CNTNAP2: variants seen among roughly 807,000 people sequenced by gnomAD.
CNTNAP2 encodes the protein contactin-associated protein-like 2.
A neutral mutation model predicts 155.2 loss-of-function variants in CNTNAP2; 98 were observed. The ratio of observed to expected loss-of-function variants is 0.63; its 90% CI spans 0.54 to 0.75. CNTNAP2 has a LOEUF of 0.75. Ranked by LOEUF, CNTNAP2 falls within the 30% of genes least tolerant of loss-of-function variation. The pLI, the probability that CNTNAP2 is intolerant of heterozygous loss-of-function variation, is 0.00. For synonymous variants in CNTNAP2, 651 were observed against 631.2 expected (o/e 1.03, Z -0.47); for missense variants, 1,727 against 1,688.1 (o/e 1.02, Z -0.40).
At chr7:147,752,309 A>G (rs1200600048) in intron 13 of CNTNAP2, among the ~76,000 whole-genome samples, 1 of 98,308 alleles carries the variant, frequency 1.0e-5, no homozygotes, top group Non-Finnish European at 2.0e-5. Flanking sequence ...GGTAACCTTC[A>G]AGGTATTTTC....
At chr7:147,794,846 CT>C (rs1797869395) in intron 13 of CNTNAP2, among the ~76,000 whole-genome samples, 1 of 151,258 alleles carries the variant, frequency 6.6e-6, no homozygotes, top group Admixed American at 6.6e-5. Context: ...GGAATTTGTC[CT>C]TTGCATCTTG....
intron 13 of CNTNAP2, among the ~76,000 whole-genome samples, chr7:147,760,862 C>T (rs1797287577): frequency 6.6e-6 from 1 of 152,014 alleles, no homozygotes. Context: ...TTTATAAAGA[C>T]CTATAGAAGA....
intron 15 of CNTNAP2, among the ~76,000 whole-genome samples, chr7:147,995,399 C>G (rs1014411737): frequency 4.6e-5 from 7 of 152,186 alleles, no homozygotes; most frequent in Non-Finnish European, 1.0e-4. Context: ...TTTTCCCTCT[C>G]CCTTCCATAG....
At chr7:146,119,029 G>A (rs1797525823) in intron 1 of CNTNAP2, among the ~76,000 whole-genome samples, 1 of 151,968 alleles carries the variant, frequency 6.6e-6, no homozygotes, top group Admixed American at 6.6e-5. Flanking sequence ...AATATCAACT[G>A]TACTTTACAT....
chr7:148,359,712 T>G (rs558805486), intron 21 of CNTNAP2, among the ~76,000 whole-genome samples: 70 of 152,354 alleles, frequency 4.6e-4, no homozygotes, highest in African/African-American at 1.6e-3. Flanking sequence ...TCACACTGTC[T>G]CTTTTGCTGT....
chr7:146,963,217 G>A (rs1175207027), intron 3 of CNTNAP2: 1 of 152,148 alleles, frequency 6.6e-6, no homozygotes, highest in Non-Finnish European at 1.5e-5. Flanking sequence ...AAGTTGACTA[G>A]AAGTTCTCTA....
chr7:147,996,179 T>C (rs997109428), intron 15 of CNTNAP2, among the ~76,000 whole-genome samples: 14 of 152,180 alleles, frequency 9.2e-5, no homozygotes, highest in African/African-American at 3.4e-4. Flanking sequence ...ACAAGAAACA[T>C]TTATGTGATG....
intron 12 of CNTNAP2, among the ~76,000 whole-genome samples, chr7:147,607,442 G>A (rs1015114079): frequency 1.3e-5 from 2 of 151,444 alleles, no homozygotes; most frequent in Non-Finnish European, 2.9e-5. Context: ...TCTTTCTAAT[G>A]TAAATAATAT....
chr7:147,573,367 T>G (rs1563003542), intron 12 of CNTNAP2, among the ~76,000 whole-genome samples: 1 of 152,206 alleles, frequency 6.6e-6, no homozygotes, highest in African/African-American at 2.4e-5. Flanking sequence ...AAAGTGAGAT[T>G]AGGCAAAAAC....
At chr7:148,005,884 G>GT (rs976025649) in intron 15 of CNTNAP2, among the ~76,000 whole-genome samples, 1 of 152,104 alleles carries the variant, frequency 6.6e-6, no homozygotes, top group African/African-American at 2.4e-5. Flanking sequence ...CTCTAAGATG[G>GT]TTTAATGTGA....
In CNTNAP2 at chr7:148,217,108, C is replaced by CT. The variant is rs11384134; in HGVS notation, c.3011-167dup. Among the ~76,000 whole-genome samples, 30,770 of 144,076 alleles carry CT rather than the reference C, an allele frequency of 0.21. 3,529 individuals are homozygous for CT. The highest frequency in any genetic ancestry group is 0.36 in the East Asian group (1,805 of 4,978). The allele number at this position is 144,076 out of a possible 152,430, so 94.5% of individuals were successfully genotyped here. Reference sequence around the variant, plus strand: ...CTAATACATCATACCCTGTTACATGCTTTTTTTTTTTTTGATAAGAGTATT... The same window carrying CT: ...CTAATACATCATACCCTGTTACATGCTTTTTTTTTTTTTTGATAAGAGTATT... On this transcript the variant is annotated intron_variant, in intron 18 of 23. Transcript: ENST00000361727.
chr7:148,054,733 GACACATTACAA>G (rs1802976333), intron 15 of CNTNAP2, among the ~76,000 whole-genome samples: 1 of 151,940 alleles, frequency 6.6e-6, no homozygotes, highest in African/African-American at 2.4e-5. Flanking sequence ...AATGAAGTCT[GACACATTACAA>G]ACCATGCACA....
At chr7:147,417,764 A>C (rs932669816) in intron 10 of CNTNAP2, among the ~76,000 whole-genome samples, 1 of 152,230 alleles carries the variant, frequency 6.6e-6, no homozygotes, top group Non-Finnish European at 1.5e-5. Flanking sequence ...GATATGCTGC[A>C]TACTAATTAA....
At chr7:147,217,405 A>G (rs929406344) in intron 8 of CNTNAP2, among the ~76,000 whole-genome samples, 1 of 151,952 alleles carries the variant, frequency 6.6e-6, no homozygotes, top group Non-Finnish European at 1.5e-5. Context: ...ATTTATTAAT[A>G]TACTTATGTG....
chr7:147,443,050 C>T (rs1797670690), intron 10 of CNTNAP2, among the ~76,000 whole-genome samples: 1 of 152,270 alleles, frequency 6.6e-6, no homozygotes, highest in East Asian at 1.9e-4. Flanking sequence ...CCCTCACCCC[C>T]AGTCAGCTGG....
At chr7:147,993,556 G>T (rs370327743) in intron 15 of CNTNAP2, among the ~76,000 whole-genome samples, 21 of 152,216 alleles carry the variant, frequency 1.4e-4, no homozygotes, top group African/African-American at 5.1e-4. Context: ...CTGTAGTTCC[G>T]GGCAGTGTCG....
chr7:148,328,742 G>C (rs935977968), intron 21 of CNTNAP2, among the ~76,000 whole-genome samples: 9 of 150,464 alleles, frequency 6.0e-5, no homozygotes, highest in African/African-American at 1.5e-4. Flanking sequence ...GGCCGAGGCG[G>C]GTGGATCACA....
chr7:146,643,095 C>T (rs1281592057), intron 1 of CNTNAP2, among the ~76,000 whole-genome samples: 1 of 147,840 alleles, frequency 6.8e-6, no homozygotes, highest in Non-Finnish European at 1.5e-5. Context: ...AAAATTTTCT[C>T]CCATTTTGTA....
intron 15 of CNTNAP2, among the ~76,000 whole-genome samples, chr7:148,044,236 C>T (rs1314404528): frequency 9.0e-5 from 13 of 144,694 alleles, no homozygotes; most frequent in East Asian, 4.0e-4. Flanking sequence ...AATTTAGTCT[C>T]GGGGTCTCCG....
Sources: allele counts gnomAD v4.1 joint callset (sites outside exome capture counted in the v4.1 genomes callset), GRCh38; gene constraint gnomAD v4.1.1; transcripts MANE v1.5; gene names NCBI Gene and HGNC (gene_info 2026-07-23, HGNC 2026-07-21).